Variants in INTS8 observed in about 807,000 individuals in gnomAD.
The protein encoded by INTS8 is integrator complex subunit 8.
Under a neutral mutation model 138.9 loss-of-function variants are expected in INTS8, and 47 were observed. The observed-to-expected ratio is 0.34, with a 90% CI of 0.27 to 0.43. The LOEUF (loss-of-function observed/expected upper bound fraction) is 0.43, where lower values mean the gene tolerates loss of function less well. Ranked by LOEUF, INTS8 falls within the 20% of genes least tolerant of loss-of-function variation. INTS8 has a pLI of 1.00. For missense variants in INTS8, 996 were observed against 1,173.0 expected, an observed-to-expected ratio of 0.85 and a Z score of 2.20; for synonymous variants, 392 against 400.9, an observed-to-expected ratio of 0.98 and a Z score of 0.27.
At chr8:94,837,805 G>A (rs1341387340) in intron 7 of INTS8, among the ~76,000 whole-genome samples, 1 of 152,004 alleles carries the variant, frequency 6.6e-6, no homozygotes, top group African/African-American at 2.4e-5. Context: ...TCTTTGTAAA[G>A]GGTCAGTTAG....
rs569566210 is a variant in INTS8, at chr8:94,856,011, G to C, written c.1753-766G>C. The stretch of plus-strand genomic sequence containing the variant: ...GGAATTACCAAAGATCACCCAGAGA[G>C]AATATAAAGAGCGTGAGACCCTAGG... On this transcript the variant is annotated intron_variant, in intron 14 of 26. Coordinates refer to ENST00000523731, the MANE Select transcript of INTS8 (RefSeq NM_017864.4). Among the ~76,000 whole-genome samples the C allele has an allele frequency of 1.0e-3, 157 of 152,326 alleles. 1 individual carries two copies. Among genetic ancestry groups the C allele is most frequent in the Non-Finnish European group, 1.6e-3 (111 of 68,020 alleles).
At chr8:94,835,598 C>T (rs1243342678) in intron 6 of INTS8, among the ~76,000 whole-genome samples, 2 of 146,678 alleles carry the variant, frequency 1.4e-5, no homozygotes, top group Non-Finnish European at 3.0e-5. Flanking sequence ...GGAGGCAGAG[C>T]CTGCTTCTTT....
intron 22 of INTS8, 80 bp from the exon 23 acceptor site, chr8:94,874,472 A>G (rs1418542790): frequency 3.8e-6 from 3 of 781,174 alleles, no homozygotes; most frequent in African/African-American, 3.4e-5. Flanking sequence ...TCCTCTTTTG[A>G]CATCCCATAC....
chr8:94,840,913 A>ATTT (rs59714366), intron 8 of INTS8, among the ~76,000 whole-genome samples: 3 of 131,530 alleles, frequency 2.3e-5, no homozygotes. Flanking sequence ...GAGAATAATA[A>ATTT]TTTTTTTTTT....
rs753612696 is a variant in INTS8 at position 94,867,277 on chromosome 8, A to C, written c.2354A>C (p.Glu785Ala). 1 of 1,609,456 alleles carries C rather than the reference A, an allele frequency of 6.2e-7. No individual in the cohort carries two copies. Among genetic ancestry groups the C allele is most frequent in the South Asian group, 1.1e-5 (1 of 89,420 alleles). Residue 785 changes from glutamate to alanine, a missense_variant and splice_region_variant, in exon 20 of 27, where the codon GAG becomes GCG. By Grantham distance (107) the Glu-to-Ala change is moderately radical. Transcript: ENST00000523731. Reference sequence around the variant, plus strand: ...ACACCTTTTTTTTTCTTTTTAAAGGAGGACATTGTGAATGATATTACAGCT... The same window carrying C: ...ACACCTTTTTTTTTCTTTTTAAAGGCGGACATTGTGAATGATATTACAGCT... The part of the protein sequence containing the change: ...SLFVKLHNVR[E>A]DIVNDITAEH...
At chr8:94,832,439 A>T (rs1393342591) in intron 6 of INTS8, among the ~76,000 whole-genome samples, 1 of 152,224 alleles carries the variant, frequency 6.6e-6, no homozygotes, top group African/African-American at 2.4e-5. Flanking sequence ...ATACAGTTAT[A>T]TGTAATTGAT....
intron 20 of INTS8, among the ~76,000 whole-genome samples, chr8:94,869,337 G>T (rs924708866): frequency 3.3e-5 from 5 of 151,496 alleles, no homozygotes; most frequent in South Asian, 4.2e-4. Context: ...TTTTTTGGGG[G>T]TTTTTTTGAG....
intron 6 of INTS8, among the ~76,000 whole-genome samples, chr8:94,835,868 GT>G (rs1395754491): frequency 2.0e-5 from 3 of 152,154 alleles, no homozygotes; most frequent in East Asian, 1.9e-4. Flanking sequence ...AAAGTGCTGG[GT>G]TTACAGGCGT....
chr8:94,871,296 G>A (rs939382442), intron 20 of INTS8, among the ~76,000 whole-genome samples: 3 of 140,204 alleles, frequency 2.1e-5, no homozygotes, highest in African/African-American at 2.7e-5. Flanking sequence ...GTGAAACCCC[G>A]TCTCTACTAA....
At chr8:94,842,701 A>T (rs1398866666) in intron 10 of INTS8, among the ~76,000 whole-genome samples, 1 of 151,926 alleles carries the variant, frequency 6.6e-6, no homozygotes, top group Non-Finnish European at 1.5e-5. Flanking sequence ...TCTTTATTGG[A>T]TTCTCCTTAG....
chr8:94,851,556 C>T lies in INTS8; in HGVS notation c.1511C>T (p.Ser504Leu). The T allele has an allele frequency of 6.4e-7, 1 of 1,563,736 alleles. No homozygotes were observed. Among genetic ancestry groups the T allele is most frequent in the South Asian group, 1.2e-5 (1 of 82,908 alleles). ...PVTSFYDIPA[S>L]ASVNIGQLEH... ...TGAAATATAAATCTTTTTTTAGCTT[C>T]AGCAAGTGTCAACATTGGTCAGTTA... The change falls in exon 13 of 27, where the codon TCA becomes TTA. Residue 504 changes from serine to leucine, a missense_variant. Ser to Leu is a moderately radical substitution (Grantham distance 145, BLOSUM62 -2). Coordinates refer to ENST00000523731, the MANE Select transcript of INTS8 (RefSeq NM_017864.4).
chr8:94,824,795 C>T (rs1563636889), intron 1 of INTS8, 98 bp from the exon 2 acceptor site: 1 of 68,120 alleles, frequency 1.5e-5, no homozygotes, highest in Non-Finnish European at 2.9e-5. Flanking sequence ...CCCCCCCCCC[C>T]CACCCACCCC....
intron 6 of INTS8, among the ~76,000 whole-genome samples, chr8:94,834,820 A>G (rs1004095003): frequency 2.6e-5 from 4 of 152,232 alleles, no homozygotes; most frequent in African/African-American, 9.6e-5. Context: ...AACCATATTT[A>G]TAAAGCATAT....
At chr8:94,851,182 T>C (rs1204381641) in intron 12 of INTS8, among the ~76,000 whole-genome samples, 2 of 152,236 alleles carry the variant, frequency 1.3e-5, no homozygotes, top group African/African-American at 2.4e-5. Flanking sequence ...ATTAACATTT[T>C]ATATATGCTT....
In INTS8 at chr8:94,865,704, C is replaced by A. The variant is rs1344800681; in HGVS notation, c.2261+14C>A. 1 of 1,605,936 alleles carries A rather than the reference C, an allele frequency of 6.2e-7. No individual in the cohort carries two copies. Among genetic ancestry groups the A allele is most frequent in the Non-Finnish European group, 8.5e-7 (1 of 1,173,476 alleles). On this transcript the variant is annotated intron_variant, in intron 17 of 26. Coordinates refer to ENST00000523731, the MANE Select transcript of INTS8 (RefSeq NM_017864.4). The stretch of plus-strand genomic sequence containing the variant: ...TATCATGTATCGGTATGTATTGGTA[C>A]GTTTCTATTAGTTGTGTTTGAGTTC...
At chr8:94,868,253 T>G (rs977077858) in intron 20 of INTS8, among the ~76,000 whole-genome samples, 2 of 152,218 alleles carry the variant, frequency 1.3e-5, no homozygotes, top group Non-Finnish European at 2.9e-5. Context: ...TCAACTTGTT[T>G]CCTCACAGAT....
Position 94,856,953 on chromosome 8 carries a change from A to T in INTS8, c.1929A>T (p.Arg643=). The T allele has an allele frequency of 6.2e-7, 1 of 1,614,052 alleles. No homozygotes were observed. Among genetic ancestry groups the T allele is most frequent in the Non-Finnish European group, 8.5e-7 (1 of 1,179,974 alleles). The change falls in exon 15 of 27, where the codon CGA becomes CGT. Residue 643 remains arginine (R), a synonymous_variant. Transcript: ENST00000523731. ...RPPSDLISRV[R]GYLEMRLPDI... ...CATCCGACCTTATAAGTAGAGTACG[A>T]GGCTATCTGGAAATGAGGCTTCCTG...
chr8:94,863,333 C>T (rs1367987995), intron 16 of INTS8, among the ~76,000 whole-genome samples: 2 of 152,250 alleles, frequency 1.3e-5, no homozygotes, highest in African/African-American at 4.8e-5. Flanking sequence ...GCCATGTTTC[C>T]ATTCTGCACC....
chr8:94,876,267 A>G lies in INTS8; in HGVS notation c.2809A>G (p.Ile937Val). 6.2e-7 allele frequency: 1 copy of G among 1,611,480 alleles called. No individual in the cohort carries two copies. Among genetic ancestry groups the G allele is most frequent in the Non-Finnish European group, 8.5e-7 (1 of 1,178,082 alleles). Residue 937 changes from isoleucine (I) to valine (V), a missense_variant, in exon 25 of 27, where the codon ATT (isoleucine) becomes GTT (valine). By Grantham distance (29) the Ile-to-Val change is conservative. Transcript: ENST00000523731. ...CTACGACTACATATGGGATGTTACC[A>G]TTTTGGAATACTTGACTTGTATCCT... ...SYYDYIWDVT[I>V]LEYLTYLHHK...
Sources: allele counts gnomAD v4.1 joint callset (sites outside exome capture counted in the v4.1 genomes callset), GRCh38; gene constraint gnomAD v4.1.1; transcripts MANE v1.5; gene names NCBI Gene and HGNC (gene_info 2026-07-23, HGNC 2026-07-21).